ACADL: variants seen among roughly 807,000 people sequenced by gnomAD.
The protein encoded by ACADL is acyl-CoA dehydrogenase long chain, also known as long-chain specific acyl-CoA dehydrogenase, mitochondrial.
Under a neutral mutation model 56.9 loss-of-function variants are expected in ACADL, and 60 were observed. That is an observed-to-expected ratio of 1.05 (90% CI 0.86 to 1.31). The LOEUF is 1.31. Among genes scored for constraint, ACADL ranks in the 50% most tolerant of loss-of-function variants. The probability of loss-of-function intolerance (pLI) is 0.00; values close to 1 mark genes in which losing one functional copy is unlikely to be tolerated. For synonymous variants in ACADL, 158 were observed against 179.7 expected, an observed-to-expected ratio of 0.88 and a Z score of 0.97; for missense variants, 484 against 525.5, an observed-to-expected ratio of 0.92 and a Z score of 0.77.
At position 210,225,279 on chromosome 2, in the gene ACADL, G is replaced by T; in HGVS notation, c.-16C>A. The T allele has an allele frequency of 6.5e-7, 1 of 1,549,380 alleles. No individual in the cohort carries two copies. Reference sequence around the variant, plus strand: ...GTGCGGCCATGTCCGAAACACAGGGGCGGCGGGGCGACGGAGGCGACTCTG... The same window carrying T: ...GTGCGGCCATGTCCGAAACACAGGGTCGGCGGGGCGACGGAGGCGACTCTG... On this transcript the variant is annotated 5_prime_UTR_variant, in exon 1 of 11. Coordinates refer to ENST00000233710, the MANE Select transcript of ACADL (RefSeq NM_001608.4).
intron 4 of ACADL, among the ~76,000 whole-genome samples, chr2:210,215,421 T>A (rs1689070091): frequency 1.3e-5 from 2 of 152,188 alleles, no homozygotes; most frequent in Admixed American, 1.3e-4. Flanking sequence ...TCCTACAGCC[T>A]TTCCAACTGA....
At position 210,204,650 on chromosome 2, in the gene ACADL, C is replaced by T. The variant is rs1575675441; in HGVS notation, c.801G>A (p.Arg267=). Residue 267 remains arginine, a synonymous_variant, in exon 7 of 11, where the codon CGG becomes CGA. Coordinates refer to ENST00000233710, the MANE Select transcript of ACADL (RefSeq NM_001608.4). ...DTAELFFEDI[R]LPASALLGEE... ...CTCCAAGTAGGGCACTAGCTGGCAA[C>T]CGTATATCTTCAAAGAATAGTTCTG... 6.2e-7 allele frequency: 1 copy of T among 1,612,590 alleles called. No individual in the cohort carries two copies. Among genetic ancestry groups the T allele is most frequent in the Non-Finnish European group, 8.5e-7 (1 of 1,178,920 alleles).
intron 4 of ACADL, among the ~76,000 whole-genome samples, chr2:210,215,664 C>G (rs570906423): frequency 2.6e-5 from 4 of 152,136 alleles, no homozygotes; most frequent in Non-Finnish European, 5.9e-5. Flanking sequence ...AGTTTAAATA[C>G]AACCACTTTT....
intron 8 of ACADL, among the ~76,000 whole-genome samples, chr2:210,200,526 C>A (rs770279045): frequency 5.3e-5 from 8 of 152,018 alleles, no homozygotes; most frequent in Non-Finnish European, 8.8e-5. Flanking sequence ...AATCAGTGAT[C>A]CATAAATGAA....
At chr2:210,211,230 C>G (rs1196903716) in intron 4 of ACADL, among the ~76,000 whole-genome samples, 2 of 152,064 alleles carry the variant, frequency 1.3e-5, no homozygotes, top group Non-Finnish European at 2.9e-5. Flanking sequence ...TTAACAATAT[C>G]TAATGACTTC....
At chr2:210,200,510 C>G (rs554614024) in intron 8 of ACADL, among the ~76,000 whole-genome samples, 3 of 152,068 alleles carry the variant, frequency 2.0e-5, no homozygotes, top group Non-Finnish European at 4.4e-5. Context: ...ACCTCTGATA[C>G]GTGTAAATCA....
chr2:210,202,444 A>G (rs1016648937), intron 8 of ACADL, among the ~76,000 whole-genome samples: 3 of 152,102 alleles, frequency 2.0e-5, no homozygotes, highest in South Asian at 2.1e-4. Context: ...GTAGTTTTCT[A>G]CCAACAGAGT....
chr2:210,204,750 G>C, intron 6 of ACADL, 68 bp from the exon 7 acceptor site: 1 of 1,246,950 alleles, frequency 8.0e-7, no homozygotes, highest in Non-Finnish European at 1.2e-6. Context: ...AGTGAATATT[G>C]AAGTGAATAT....
chr2:210,206,860 T>G (rs922009755), intron 5 of ACADL, among the ~76,000 whole-genome samples: 2 of 152,124 alleles, frequency 1.3e-5, no homozygotes, highest in African/African-American at 4.8e-5. Context: ...CATAGCTCTT[T>G]GCAGCCTCAA....
intron 4 of ACADL, among the ~76,000 whole-genome samples, 186 bp downstream of exon 4, chr2:210,216,161 A>G (rs373746388): frequency 5.9e-5 from 9 of 152,336 alleles, no homozygotes; most frequent in African/African-American, 1.7e-4. Flanking sequence ...AACTATGTTA[A>G]TATCTCAAAC....
chr2:210,195,262 A>C lies in ACADL; in HGVS notation c.1061T>G (p.Leu354Arg). The C allele has an allele frequency of 6.2e-7, 1 of 1,613,982 alleles. No homozygotes were observed. Among genetic ancestry groups the C allele is most frequent in the Non-Finnish European group, 8.5e-7 (1 of 1,179,936 alleles). ...TRAFVDNCLQ[L>R]HEAKRLDSAT... The stretch of plus-strand genomic sequence containing the variant: ...GGAGTCCAAACGTTTCGCTTCATGC[A>C]GCTGGAGACAGTTGTCCACAAATGC... Residue 354 changes from leucine (L) to arginine (R), a missense_variant, in exon 9 of 11, where the codon CTG (leucine) becomes CGG (arginine). Coordinates refer to ENST00000233710, the MANE Select transcript of ACADL (RefSeq NM_001608.4).
At chr2:210,205,023 G>T (rs977474095) in intron 6 of ACADL, among the ~76,000 whole-genome samples, 1 of 151,728 alleles carries the variant, frequency 6.6e-6, no homozygotes, top group Admixed American at 6.6e-5. Flanking sequence ...GGTTTTTTTT[G>T]TTTGTTTGTT....
At chr2:210,195,462 T>G (rs1450880360) in intron 8 of ACADL, 124 bp from the exon 9 acceptor site, 5 of 1,060,614 alleles carry the variant, frequency 4.7e-6, no homozygotes, top group Non-Finnish European at 7.0e-6. Flanking sequence ...GAATTGTTGG[T>G]TTTTTCCTCC....
chr2:210,209,498 A>C (rs1179906492), intron 5 of ACADL: 1 of 152,010 alleles, frequency 6.6e-6, no homozygotes, highest in African/African-American at 2.4e-5. Flanking sequence ...ATGGCTCTCA[A>C]ATTCTATCAC....
intron 8 of ACADL, among the ~76,000 whole-genome samples, chr2:210,198,328 C>T (rs1335240278): frequency 2.0e-5 from 3 of 152,094 alleles, no homozygotes; most frequent in East Asian, 1.9e-4. Flanking sequence ...TAAAATGAAA[C>T]ACACTAGGTT....
At position 210,218,039 on chromosome 2, in the gene ACADL, A is replaced by G; in HGVS notation, c.297T>C (p.Leu99=). 1 of 1,614,034 alleles carries G rather than the reference A, an allele frequency of 6.2e-7. No individual in the cohort carries two copies. The highest frequency in any genetic ancestry group is 1.1e-5 in the South Asian group (1 of 91,086). Residue 99 remains leucine, a synonymous_variant, in exon 3 of 11, where the codon CTT becomes CTC. Coordinates refer to ENST00000233710, the MANE Select transcript of ACADL (RefSeq NM_001608.4). ...CAAGATGCTCTGCAATATTGACACC[A>G]AGCAGTCCTTGTTTTCCAGCTTTTT... is the stretch of plus-strand genomic sequence containing the variant. The part of the protein sequence containing the change: ...VWEKAGKQGL[L]GVNIAEHLGG...
At chr2:210,189,726 C>G (rs1378453573) in intron 10 of ACADL, among the ~76,000 whole-genome samples, 1 of 151,888 alleles carries the variant, frequency 6.6e-6, no homozygotes, top group African/African-American at 2.4e-5. Context: ...TACCACTGTA[C>G]AGTTGTTTTT....
At chr2:210,212,122 C>T (rs1035721362) in intron 4 of ACADL, among the ~76,000 whole-genome samples, 4 of 149,046 alleles carry the variant, frequency 2.7e-5, no homozygotes, top group African/African-American at 7.4e-5. Context: ...CGTGAGCCAC[C>T]GCACCTGGTT....
chr2:210,195,351 G>A lies in ACADL; in HGVS notation c.985-13C>T. 6.2e-7 allele frequency: 1 copy of A among 1,607,250 alleles called. No homozygotes were observed. The highest frequency in any genetic ancestry group is 8.5e-7 in the Non-Finnish European group (1 of 1,174,078). The stretch of plus-strand genomic sequence containing the variant: ...TATGTTGCACTGTCTTGAATTTAAA[G>A]GAAATAAAAGAAAAAAGTGAGCATG... On this transcript the variant is annotated splice_polypyrimidine_tract_variant and intron_variant, in intron 8 of 10. Coordinates refer to ENST00000233710, the MANE Select transcript of ACADL (RefSeq NM_001608.4).
Sources: allele counts gnomAD v4.1 joint callset (sites outside exome capture counted in the v4.1 genomes callset), GRCh38; gene constraint gnomAD v4.1.1; transcripts MANE v1.5; gene names NCBI Gene and HGNC (gene_info 2026-07-23, HGNC 2026-07-21).